Variants in TRERF1 observed in about 807,000 individuals in gnomAD.
TRERF1 encodes transcriptional regulating factor 1, also known as transcriptional-regulating factor 1.
In TRERF1, 27 loss-of-function variants were observed where a neutral mutation model predicts 122.9. The ratio of observed to expected loss-of-function variants is 0.22; its 90% CI spans 0.16 to 0.30. TRERF1 has a LOEUF of 0.30. Among genes scored for constraint, TRERF1 ranks in the 10% least tolerant of loss-of-function variants. The pLI is 1.00. For synonymous variants in TRERF1, 636 were observed against 641.7 expected (o/e 0.99, Z 0.13); for missense variants, 1,248 against 1,560.3 (o/e 0.80, Z 3.37).
At chr6:42,395,796 A>G (rs1778480413) in intron 2 of TRERF1, among the ~76,000 whole-genome samples, 1 of 151,800 alleles carries the variant, frequency 6.6e-6, no homozygotes, top group Non-Finnish European at 1.5e-5. Flanking sequence ...AAGGAATGAG[A>G]CACTCTAGAA....
intron 2 of TRERF1, among the ~76,000 whole-genome samples, chr6:42,449,352 T>C (rs1003760599): frequency 1.3e-5 from 2 of 152,074 alleles, no homozygotes; most frequent in African/African-American, 4.8e-5. Flanking sequence ...TCACTCCGGG[T>C]ATCAATTCCT....
chr6:42,378,823 T>G (rs1775374815), intron 2 of TRERF1, among the ~76,000 whole-genome samples: 1 of 152,096 alleles, frequency 6.6e-6, no homozygotes, highest in Non-Finnish European at 1.5e-5. Context: ...CAACCAAAAT[T>G]TATATATTGT....
rs561689482 is a variant in TRERF1 at position 42,296,025 on chromosome 6, A to G, written c.-259+4613T>C. On this transcript the variant is annotated intron_variant, in intron 4 of 17. Coordinates refer to ENST00000372922, the Ensembl canonical transcript of TRERF1. ...TCCCCCAGCCCCATCACTGCTGAAA[A>G]TGTGTCCTCAGAGCAGTAATGCCAT... 3.3e-5 allele frequency among the ~76,000 whole-genome samples: 5 copies of G among 152,240 alleles called. No individual in the cohort carries two copies. In the South Asian group the frequency reaches 8.3e-4, roughly 25 times the overall value.
chr6:42,395,928 G>A (rs1051965473), intron 2 of TRERF1, among the ~76,000 whole-genome samples: 3 of 152,068 alleles, frequency 2.0e-5, no homozygotes, highest in Non-Finnish European at 4.4e-5. Flanking sequence ...CCTGTGGATT[G>A]ACCACACTGT....
intron 2 of TRERF1, among the ~76,000 whole-genome samples, chr6:42,406,532 A>G (rs180674343): frequency 2.6e-5 from 4 of 152,296 alleles, no homozygotes; most frequent in Admixed American, 1.3e-4. Flanking sequence ...ACAGGTTGCA[A>G]TCGGGCTCCA....
At chr6:42,248,405 T>G (rs541177192) in intron 13 of TRERF1, among the ~76,000 whole-genome samples, 2 of 151,690 alleles carry the variant, frequency 1.3e-5, no homozygotes, top group South Asian at 4.2e-4. Context: ...CAGGCTGGAG[T>G]GCAGTGGCGA....
Position 42,232,624 on chromosome 6 carries a change from C to T in TRERF1, c.3278+57G>A. 1.3e-6 allele frequency: 2 copies of T among 1,509,284 alleles called. No individual in the cohort carries two copies. The highest frequency in any genetic ancestry group is 1.8e-6 in the Non-Finnish European group (2 of 1,123,486). 93.5% of individuals were successfully genotyped at this position (1,509,284 alleles called of 1,614,324 possible). On this transcript the variant is annotated intron_variant, in intron 17 of 17. Coordinates refer to ENST00000372922, the Ensembl canonical transcript of TRERF1. This position sits in a 1 kb window ranked among gnomAD's most constrained non-coding sequence, Gnocchi z 4.5. The stretch of plus-strand genomic sequence containing the variant: ...ACCTCAGGCCATCCTGGCCCAGCTC[C>T]CATAGAGCGACTACCCATCATGAAC...
chr6:42,371,188 A>T (rs532684799), intron 2 of TRERF1, among the ~76,000 whole-genome samples: 32 of 152,290 alleles, frequency 2.1e-4, no homozygotes, highest in African/African-American at 7.2e-4. Flanking sequence ...AGGGTAGGTG[A>T]TGTGTTCAGG....
chr6:42,427,010 G>T (rs1282109064), intron 2 of TRERF1, among the ~76,000 whole-genome samples: 1 of 151,838 alleles, frequency 6.6e-6, no homozygotes, highest in South Asian at 2.1e-4. Flanking sequence ...ACTAAGGGCT[G>T]GGCGCAGTGA....
At chr6:42,364,659 AC>A (rs1234843269) in intron 2 of TRERF1, among the ~76,000 whole-genome samples, 4 of 152,194 alleles carry the variant, frequency 2.6e-5, no homozygotes, top group Non-Finnish European at 5.9e-5. Flanking sequence ...GCCGTGGGTG[AC>A]CTTAGAGAGG....
chr6:42,282,730 G>A (rs910607737), intron 4 of TRERF1, among the ~76,000 whole-genome samples: 2 of 152,210 alleles, frequency 1.3e-5, no homozygotes, highest in African/African-American at 4.8e-5. Flanking sequence ...ATATACATAT[G>A]TAGGTATATA....
At chr6:42,381,249 G>A (rs1342870827) in intron 2 of TRERF1, among the ~76,000 whole-genome samples, 1 of 151,570 alleles carries the variant, frequency 6.6e-6, no homozygotes. Context: ...CCGGAGACAG[G>A]GTTTATCTGC....
At chr6:42,361,923 T>A (rs1406451160) in intron 3 of TRERF1, among the ~76,000 whole-genome samples, 1 of 152,164 alleles carries the variant, frequency 6.6e-6, no homozygotes, top group African/African-American at 2.4e-5. Context: ...AATAAGGATA[T>A]TTATTCTTTT....
At position 42,275,442 on chromosome 6, in the gene TRERF1, G is replaced by T. The variant is rs1054330334; in HGVS notation, c.-258-5594C>A. Among the ~76,000 whole-genome samples, 1 of 152,202 alleles carries T rather than the reference G, an allele frequency of 6.6e-6. No homozygotes were observed. Among genetic ancestry groups the T allele is most frequent in the South Asian group, 2.1e-4 (1 of 4,830 alleles). ...AGGTGCCACTCCACGCTCCCACAGA[G>T]CCTGTGACCGCTTTTCCTCTGCACT... On this transcript the variant is annotated intron_variant, in intron 4 of 17. Transcript: ENST00000372922. The surrounding 1 kb of genome is among the most constrained non-coding windows in gnomAD (Gnocchi z 4.1).
intron 3 of TRERF1, among the ~76,000 whole-genome samples, chr6:42,347,581 G>A (rs73733152): frequency 0.021 from 3,185 of 152,200 alleles, 130 homozygotes; most frequent in East Asian, 0.18. Context: ...TGGTCATGTC[G>A]GAGACCTCAG....
intron 15 of TRERF1, among the ~76,000 whole-genome samples, chr6:42,240,755 T>C (rs928829813): frequency 1.3e-5 from 2 of 152,240 alleles, no homozygotes; most frequent in African/African-American, 4.8e-5. Flanking sequence ...ACATATGTTC[T>C]GTGTGGTCGG....
Position 42,257,050 on chromosome 6 carries a change from T to C in TRERF1, c.2389A>G (p.Ile797Val), listed in dbSNP as rs775143430. 10 of 1,614,232 alleles carry C rather than the reference T, an allele frequency of 6.2e-6. No individual in the cohort carries two copies. The South Asian group carries it at 1.1e-4, about 18-fold the overall frequency. ...TGTGTGTCCTGGGCCAGGGCAGAGA[T>C]ATCTTGGAGTTCAGGGATTTCTGCT... Residue 797 changes from isoleucine to valine, a missense_variant, in exon 11 of 18, where the codon ATC becomes GTC. Ile to Val is a conservative substitution (Grantham distance 29, BLOSUM62 3). Coordinates refer to ENST00000372922, the Ensembl canonical transcript of TRERF1.
In TRERF1 at chr6:42,228,516, C is replaced by G. The variant is rs781039162; in HGVS notation, c.3432G>C (p.Leu1144=). Residue 1144 remains leucine (L), a synonymous_variant, in exon 18 of 18, where the codon CTG becomes CTC. Coordinates refer to ENST00000372922, the Ensembl canonical transcript of TRERF1. This position sits in a 1 kb window ranked among gnomAD's most constrained non-coding sequence, Gnocchi z 4.2. Reference sequence around the variant, plus strand: ...TCAGACTCAGCTGGTCCAGGGGCAGCAGCCCCGGCGCCCCCACGGGCCCCG... The same window carrying G: ...TCAGACTCAGCTGGTCCAGGGGCAGGAGCCCCGGCGCCCCCACGGGCCCCG... The G allele has an allele frequency of 5.6e-6, 9 of 1,614,156 alleles. No homozygotes were observed. In the East Asian group the frequency reaches 1.8e-4, roughly 32 times the overall value.
At chr6:42,256,875 T>G in intron 11 of TRERF1, 44 bp from the exon 12 acceptor site, 1 of 1,613,140 alleles carries the variant, frequency 6.2e-7, no homozygotes. Flanking sequence ...GAGAGCTGAG[T>G]GTAATGGAAA....
Sources: allele counts gnomAD v4.1 joint callset (sites outside exome capture counted in the v4.1 genomes callset), GRCh38; gene constraint gnomAD v4.1.1; non-coding constraint Gnocchi (gnomAD v3.1); transcripts MANE v1.5; gene names NCBI Gene and HGNC (gene_info 2026-07-23, HGNC 2026-07-21).